Variants in RANBP17 observed in about 807,000 individuals in gnomAD.
RANBP17 encodes RAN binding protein 17.
Under a neutral mutation model 141.2 loss-of-function variants are expected in RANBP17, and 158 were observed. The ratio of observed to expected loss-of-function variants is 1.12; its 90% confidence interval spans 0.98 to 1.28. The LOEUF is 1.28. RANBP17 is among the 50% of genes most tolerant of loss of function. RANBP17 has a pLI of 0.00. For synonymous variants in RANBP17, 430 were observed against 450.0 expected (o/e 0.96, Z 0.56); for missense variants, 1,438 against 1,290.7 (o/e 1.11, Z -1.75).
chr5:170,914,320 G>C, intron 8 of RANBP17, 80 bp downstream of exon 8: 1 of 834,704 alleles, frequency 1.2e-6, no homozygotes, highest in Non-Finnish European at 1.9e-6. Context: ...CAAAAATTCT[G>C]TTTATATATT....
In RANBP17 at chr5:171,265,728, A is replaced by G; in HGVS notation, c.2824A>G (p.Thr942Ala). 6.2e-7 allele frequency: 1 copy of G among 1,614,112 alleles called. No individual in the cohort carries two copies. The highest frequency in any genetic ancestry group is 8.5e-7 in the Non-Finnish European group (1 of 1,179,998). Residue 942 changes from threonine to alanine, a missense_variant, in exon 25 of 28, where the codon ACC (threonine) becomes GCC (alanine). Thr to Ala is a moderately conservative substitution (Grantham distance 58, BLOSUM62 0). Coordinates refer to ENST00000523189, the MANE Select transcript of RANBP17 (RefSeq NM_022897.5). ...SCCTSLDYIV[T>A]YLFKHIAKEG... ...CTGTACCAGTTTAGACTACATCGTCACCTACCTCTTCAAGCACATAGCAAA... is the reference window on the plus strand; with the variant it reads ...CTGTACCAGTTTAGACTACATCGTCGCCTACCTCTTCAAGCACATAGCAAA...
chr5:171,225,394 T>G (rs1561780184), intron 22 of RANBP17, among the ~76,000 whole-genome samples: 2 of 152,348 alleles, frequency 1.3e-5, no homozygotes, highest in East Asian at 3.9e-4. Context: ...CTCTACTGAT[T>G]CTCTTGCTGG....
At chr5:171,186,351 C>A (rs1761234234) in intron 18 of RANBP17, among the ~76,000 whole-genome samples, 1 of 152,014 alleles carries the variant, frequency 6.6e-6, no homozygotes, top group African/African-American at 2.4e-5. Flanking sequence ...GCTGCTTCAC[C>A]TTGCACTCTT....
At chr5:171,253,391 G>T (rs1169976296) in intron 24 of RANBP17, among the ~76,000 whole-genome samples, 4 of 152,190 alleles carry the variant, frequency 2.6e-5, no homozygotes, top group Non-Finnish European at 5.9e-5. Context: ...GCATAAATTT[G>T]CCTGGTTCAG....
chr5:171,073,680 G>A (rs1784752978), intron 14 of RANBP17, among the ~76,000 whole-genome samples: 1 of 152,152 alleles, frequency 6.6e-6, no homozygotes, highest in South Asian at 2.1e-4. Flanking sequence ...GGTAGCTACA[G>A]ACTCATTCAG....
intron 23 of RANBP17, 60 bp downstream of exon 23, chr5:171,241,202 C>A: frequency 7.9e-7 from 1 of 1,259,782 alleles, no homozygotes; most frequent in Non-Finnish European, 1.1e-6. Context: ...CCACCACAGG[C>A]CTGGAAGTGT....
intron 14 of RANBP17, among the ~76,000 whole-genome samples, chr5:171,070,542 T>C (rs1784574358): frequency 6.6e-6 from 1 of 152,112 alleles, no homozygotes; most frequent in Admixed American, 6.5e-5. Context: ...ACTACTGACT[T>C]AGATATGTAA....
chr5:171,129,227 A>G (rs1213165509), intron 14 of RANBP17, among the ~76,000 whole-genome samples: 2 of 152,218 alleles, frequency 1.3e-5, no homozygotes. Flanking sequence ...AAAATTAATC[A>G]AAATGAAAAT....
At chr5:171,273,571 C>T (rs2128029128) in intron 25 of RANBP17, among the ~76,000 whole-genome samples, 1 of 152,292 alleles carries the variant, frequency 6.6e-6, no homozygotes, top group South Asian at 2.1e-4. Context: ...TGAAATTTCT[C>T]CCTTGAAAAA....
intron 22 of RANBP17, among the ~76,000 whole-genome samples, chr5:171,229,306 G>A (rs1764064414): frequency 6.6e-6 from 1 of 152,202 alleles, no homozygotes; most frequent in Non-Finnish European, 1.5e-5. Flanking sequence ...TACAAAGCAA[G>A]GCCTTCAGGA....
At chr5:171,025,952 T>C (rs1781206082) in intron 14 of RANBP17, among the ~76,000 whole-genome samples, 1 of 152,206 alleles carries the variant, frequency 6.6e-6, no homozygotes, top group African/African-American at 2.4e-5. Context: ...AATGTAATTA[T>C]TTGTCTTCCT....
At chr5:170,987,567 G>A (rs1156446781) in intron 14 of RANBP17, among the ~76,000 whole-genome samples, 3 of 150,764 alleles carry the variant, frequency 2.0e-5, no homozygotes, top group African/African-American at 2.4e-5. Context: ...TCTCTATACC[G>A]CTTCCCACTT....
intron 14 of RANBP17, among the ~76,000 whole-genome samples, chr5:170,993,228 A>G (rs1335500963): frequency 2.0e-5 from 3 of 152,054 alleles, no homozygotes; most frequent in African/African-American, 4.8e-5. Flanking sequence ...TCCTGTTCCA[A>G]TAACTAAAAT....
At chr5:171,243,343 T>C (rs891526698) in intron 24 of RANBP17, among the ~76,000 whole-genome samples, 2 of 152,252 alleles carry the variant, frequency 1.3e-5, no homozygotes, top group African/African-American at 4.8e-5. Context: ...TCATGTTATT[T>C]TGAAAATCAA....
chr5:170,953,982 A>C (rs1025118671), intron 13 of RANBP17, among the ~76,000 whole-genome samples: 1 of 152,174 alleles, frequency 6.6e-6, no homozygotes, highest in Non-Finnish European at 1.5e-5. Flanking sequence ...GCAAGCACAT[A>C]CAGTTGGTGT....
intron 20 of RANBP17, among the ~76,000 whole-genome samples, chr5:171,209,717 G>A (rs1402238738): frequency 6.6e-6 from 1 of 152,196 alleles, no homozygotes; most frequent in Non-Finnish European, 1.5e-5. Context: ...TGAAAGTTGA[G>A]CAAAGCCTTG....
chr5:170,965,040 C>A (rs1046109412), intron 13 of RANBP17, among the ~76,000 whole-genome samples: 8 of 152,196 alleles, frequency 5.3e-5, no homozygotes, highest in African/African-American at 1.7e-4. Flanking sequence ...CCTATTTCTC[C>A]ACATCCTCTC....
intron 14 of RANBP17, among the ~76,000 whole-genome samples, chr5:171,049,551 A>G (rs962999239): frequency 2.0e-5 from 3 of 152,178 alleles, no homozygotes; most frequent in East Asian, 1.9e-4. Flanking sequence ...GCCAAGGCCT[A>G]TGTACAGAAT....
intron 14 of RANBP17, among the ~76,000 whole-genome samples, chr5:171,060,733 G>C (rs895509088): frequency 7.4e-4 from 112 of 151,986 alleles, no homozygotes; most frequent in Non-Finnish European, 1.3e-3. Flanking sequence ...GTTTCAGGAG[G>C]AATGGTACCA....
Sources: allele counts gnomAD v4.1 joint callset (sites outside exome capture counted in the v4.1 genomes callset), GRCh38; gene constraint gnomAD v4.1.1; transcripts MANE v1.5; gene names NCBI Gene and HGNC (gene_info 2026-07-23, HGNC 2026-07-21).